Variants in PSMB8 observed in about 807,000 individuals in gnomAD.
PSMB8 encodes the protein proteasome subunit beta type-8.
Under a neutral mutation model 32.3 loss-of-function variants are expected in PSMB8, and 20 were observed. The observed-to-expected ratio is 0.62, with a 90% confidence interval of 0.44 to 0.90. The LOEUF is 0.90. Among genes scored for constraint, PSMB8 ranks in the 40% least tolerant of loss-of-function variants. The pLI, the probability that PSMB8 is intolerant of heterozygous loss-of-function variation, is 0.00. For synonymous variants in PSMB8, 131 were observed against 135.4 expected (o/e 0.97, Z 0.23); for missense variants, 342 against 365.4 (o/e 0.94, Z 0.52).
chr6:32,842,025 C>G (rs746819390), intron 4 of PSMB8, 109 bp downstream of exon 4: 30 of 1,551,746 alleles, frequency 1.9e-5, no homozygotes, highest in Non-Finnish European at 2.7e-5. Flanking sequence ...ACCAAGCACT[C>G]TATATGCCAT....
At chr6:32,844,205 G>A (rs1245624224), upstream of PSMB8, 9 of 1,582,288 alleles carry the variant, frequency 5.7e-6, no homozygotes, top group South Asian at 5.7e-5. Flanking sequence ...TGGGTCAAGG[G>A]TCTTCCGAAG....
At chr6:32,842,915 T>A in intron 2 of PSMB8, 27 bp downstream of exon 2, 1 of 1,613,904 alleles carries the variant, frequency 6.2e-7, no homozygotes, top group Non-Finnish European at 8.5e-7. Context: ...CTCCCCAGAT[T>A]CTGCCTGCTG....
Position 32,842,114 on chromosome 6 carries a change from G to A in PSMB8, c.537+20C>T, listed in dbSNP as rs1769940697. 6.2e-7 allele frequency: 1 copy of A among 1,613,118 alleles called. No homozygotes were observed. Among genetic ancestry groups the A allele is most frequent in the Admixed American group, 1.7e-5 (1 of 60,028 alleles). ...CATAGGGAACATGGTGGGGGAACATGAAGAATGGAGAGCACCCACCTTCTT... is the reference window on the plus strand; with the variant it reads ...CATAGGGAACATGGTGGGGGAACATAAAGAATGGAGAGCACCCACCTTCTT... On this transcript the variant is annotated intron_variant, in intron 4 of 5. Coordinates refer to ENST00000374882, the MANE Select transcript of PSMB8 (RefSeq NM_148919.4).
At chr6:32,841,488 C>T in intron 5 of PSMB8, 43 bp downstream of exon 5, 1 of 1,590,702 alleles carries the variant, frequency 6.3e-7, no homozygotes, top group Non-Finnish European at 8.6e-7. Flanking sequence ...CCACCACCCG[C>T]CGACTCCTCC....
At position 32,840,982 on chromosome 6, in the gene PSMB8, G is replaced by A. The variant is rs752931080; in HGVS notation, c.808C>T (p.Gln270Ter). The A allele has an allele frequency of 6.2e-7, 1 of 1,613,472 alleles. No homozygotes were observed. Among genetic ancestry groups the A allele is most frequent in the Admixed American group, 1.7e-5 (1 of 60,014 alleles). ...CATTATTGATTGGCTTCCCGGTACT[G>A]GTGCAGCAGGTCACTGACATCTGTA... is the stretch of plus-strand genomic sequence containing the variant. ...ESTDVSDLLHQYREANQ is the reference protein window; with the variant it reads ...ESTDVSDLLH The change falls in exon 6 of 6, where the codon CAG becomes TAG. Residue 270 changes from glutamine to a stop codon, truncating the protein, a stop_gained. Coordinates refer to ENST00000374882, the MANE Select transcript of PSMB8 (RefSeq NM_148919.4). LOFTEE classifies it high-confidence loss of function.
Position 32,843,854 on chromosome 6 carries a change from A to G in PSMB8, c.143T>C (p.Met48Thr). Residue 48 changes from methionine (M) to threonine (T), a missense_variant, in exon 1 of 6, where the codon ATG (methionine) becomes ACG (threonine). Met to Thr is a moderately conservative substitution (Grantham distance 81). Transcript: ENST00000374882. ...GGGCTTCCCTACTGCCCCGACCTGC[A>G]TTCCCCGGGGTAAAGCGAGCTCTGG... ...RSPELALPRG[M>T]QPTEFFQSLG... The G allele has an allele frequency of 1.9e-6, 3 of 1,612,694 alleles. No individual in the cohort carries two copies. The highest frequency in any genetic ancestry group is 2.5e-6 in the Non-Finnish European group (3 of 1,179,966).
chr6:32,843,006 G>A lies in PSMB8; in HGVS notation c.231C>T (p.Ala77=). The change falls in exon 2 of 6, where the codon GCC becomes GCT. Residue 77 remains alanine (A), a synonymous_variant. Coordinates refer to ENST00000374882, the MANE Select transcript of PSMB8 (RefSeq NM_148919.4). ...IEMAHGTTTL[A]FKFQHGVIAA... is the part of the protein sequence containing the mutation. ...CAATCACTCCATGCTGGAACTTGAA[G>A]GCGAGCGTGGTGGTGCCATGGGCCA... 6.2e-7 allele frequency: 1 copy of A among 1,613,134 alleles called. No individual in the cohort carries two copies. Among genetic ancestry groups the A allele is most frequent in the Non-Finnish European group, 8.5e-7 (1 of 1,180,050 alleles).
chr6:32,841,901 G>A, intron 4 of PSMB8, 166 bp from the exon 5 acceptor site: 2 of 1,022,272 alleles, frequency 2.0e-6, no homozygotes, highest in Admixed American at 2.4e-5. Context: ...AATGAAAAAG[G>A]AAAAACAAAC....
intron 4 of PSMB8, 121 bp from the exon 5 acceptor site, chr6:32,841,856 A>C: frequency 8.7e-7 from 1 of 1,151,446 alleles, no homozygotes; most frequent in Non-Finnish European, 1.3e-6. Context: ...CATTGGAATT[A>C]GGAAACCACT....
chr6:32,843,604 G>A (rs1770080091), intron 1 of PSMB8, among the ~76,000 whole-genome samples: 1 of 152,188 alleles, frequency 6.6e-6, no homozygotes, highest in Non-Finnish European at 1.5e-5. Context: ...GACAAGGGCA[G>A]GAAAGTTCTC....
intron 4 of PSMB8, 188 bp downstream of exon 4, chr6:32,841,946 A>C: frequency 9.6e-7 from 1 of 1,045,144 alleles, no homozygotes; most frequent in Non-Finnish European, 1.4e-6. Flanking sequence ...GGACAAGCTT[A>C]CAAAACACAT....
chr6:32,842,399 T>A, intron 3 of PSMB8, 136 bp from the exon 4 acceptor site: 1 of 1,275,582 alleles, frequency 7.8e-7, no homozygotes, highest in Non-Finnish European at 1.1e-6. Flanking sequence ...GATTTGGAAT[T>A]TAAAGTATCT....
upstream of PSMB8, chr6:32,844,442 T>C (rs201007509): frequency 1.2e-6 from 2 of 1,612,468 alleles, no homozygotes; most frequent in East Asian, 2.2e-5. Flanking sequence ...GGGACGGAAG[T>C]GCGAGGGGGC....
rs753474933 is a variant in PSMB8 at position 32,843,844 on chromosome 6, C to A, written c.147+6G>T. The A allele has an allele frequency of 6.2e-7, 1 of 1,612,706 alleles. No homozygotes were observed. The highest frequency in any genetic ancestry group is 1.7e-5 in the Admixed American group (1 of 60,012). Reference sequence around the variant, plus strand: ...GCATCCCTAGGGGCTTCCCTACTGCCCCGACCTGCATTCCCCGGGGTAAAG... The same window carrying A: ...GCATCCCTAGGGGCTTCCCTACTGCACCGACCTGCATTCCCCGGGGTAAAG... On this transcript the variant is annotated splice_donor_region_variant and intron_variant, in intron 1 of 5. Coordinates refer to ENST00000374882, the MANE Select transcript of PSMB8 (RefSeq NM_148919.4).
At chr6:32,842,611 A>G in intron 3 of PSMB8, 61 bp downstream of exon 3, 1 of 1,368,468 alleles carries the variant, frequency 7.3e-7, no homozygotes, top group Non-Finnish European at 1.0e-6. Flanking sequence ...AGGAGCAATG[A>G]TCTGAGAGAT....
Position 32,841,721 on chromosome 6 carries a change from G to A in PSMB8, c.552C>T (p.Tyr184=). The part of the protein sequence containing the change: ...CGWDKKGPGL[Y]YVDEHGTRLS... ...GCCGAGTCCCATGTTCATCCACGTA[G>A]TAGAGTCCAGGACCCTATAAGATGA... Residue 184 remains tyrosine, a synonymous_variant, in exon 5 of 6, where the codon TAC becomes TAT. Transcript: ENST00000374882. 1 of 1,612,688 alleles carries A rather than the reference G, an allele frequency of 6.2e-7. No homozygotes were observed. Among genetic ancestry groups the A allele is most frequent in the Non-Finnish European group, 8.5e-7 (1 of 1,179,994 alleles).
intron 2 of PSMB8, 37 bp from the exon 3 acceptor site, chr6:32,842,820 C>T: frequency 1.2e-6 from 2 of 1,606,118 alleles, no homozygotes; most frequent in Non-Finnish European, 1.7e-6. Flanking sequence ...GAAGGGATGA[C>T]CCCATAGATC....
rs749939353 is a variant in PSMB8, at chr6:32,841,053, G to A, written c.743-6C>T. The A allele has an allele frequency of 1.9e-6, 3 of 1,602,766 alleles. No homozygotes were observed. Among genetic ancestry groups the A allele is most frequent in the Non-Finnish European group, 2.6e-6 (3 of 1,169,670 alleles). ...ATCTTCCTTCATGTGGTACACTGTG[G>A]ACAAATGAGAAAAGAACATGGAGTC... On this transcript the variant is annotated splice_polypyrimidine_tract_variant and splice_region_variant and intron_variant, in intron 5 of 5. Coordinates refer to ENST00000374882, the MANE Select transcript of PSMB8 (RefSeq NM_148919.4).
chr6:32,843,903 G>A lies in PSMB8; in HGVS notation c.94C>T (p.His32Tyr). 6.2e-7 allele frequency: 1 copy of A among 1,612,786 alleles called. No individual in the cohort carries two copies. Among genetic ancestry groups the A allele is most frequent in the Non-Finnish European group, 8.5e-7 (1 of 1,179,978 alleles). The change falls in exon 1 of 6, where the codon CAC (histidine) becomes TAC (tyrosine). Residue 32 changes from histidine to tyrosine, a missense_variant. Transcript: ENST00000374882. ...AGSGRRSDPG[H>Y]YSFSMRSPEL... ...GGAGATCGCATAGAGAAACTGTAGT[G>A]TCCTGGGTCCGAGCGACGCCCGCTT...
Sources: gnomAD v4.1 joint callset for allele counts (sites outside exome capture counted in the v4.1 genomes callset) on GRCh38, gnomAD v4.1.1 for gene constraint, MANE v1.5 for transcripts, NCBI Gene and HGNC (gene_info 2026-07-23, HGNC 2026-07-21) for gene names.